Variants in RAB18 observed in about 807,000 individuals in gnomAD.
RAB18 encodes the protein ras-related protein Rab-18.
Under a neutral mutation model 28.5 loss-of-function variants are expected in RAB18, and 10 were observed. The ratio of observed to expected loss-of-function variants is 0.35; its 90% CI spans 0.22 to 0.60. The LOEUF is 0.60. Among genes scored for constraint, RAB18 ranks in the 20% least tolerant of loss-of-function variants. The pLI is 0.78. For missense variants in RAB18, 188 were observed against 244.2 expected (o/e 0.77, Z 1.53); for synonymous variants, 93 against 86.9 (o/e 1.07, Z -0.39).
At chr10:27,510,089 C>A (rs1265669009) in intron 2 of RAB18, 159 bp downstream of exon 2, 3 of 660,692 alleles carry the variant, frequency 4.5e-6, no homozygotes, top group Non-Finnish European at 8.1e-6. Context: ...ATCATTAAAT[C>A]TTTGAAGCCT....
chr10:27,526,952 G>T, intron 3 of RAB18, 63 bp downstream of exon 3: 2 of 1,510,114 alleles, frequency 1.3e-6, no homozygotes, highest in South Asian at 2.3e-5. Flanking sequence ...TGCAGAAATT[G>T]ATTTGTGTAG....
At chr10:27,505,040 A>G in intron 1 of RAB18, 1 of 533,512 alleles carries the variant, frequency 1.9e-6, no homozygotes, top group Non-Finnish European at 3.8e-6. Context: ...GTAAGGTCCG[A>G]GTGCTTCAGC....
chr10:27,522,962 G>T (rs969499527), intron 2 of RAB18, among the ~76,000 whole-genome samples: 4 of 151,588 alleles, frequency 2.6e-5, no homozygotes, highest in Admixed American at 2.6e-4. Flanking sequence ...AGCAACTTTT[G>T]GATTCATTGA....
chr10:27,528,246 A>T, intron 3 of RAB18: 1 of 452,544 alleles, frequency 2.2e-6, no homozygotes, highest in East Asian at 6.1e-5. Flanking sequence ...GTTCCTGCCT[A>T]ATAAAAAGGC....
Position 27,526,908 on chromosome 10 carries a change from T to C in RAB18, c.186+19T>C. The C allele has an allele frequency of 6.2e-7, 1 of 1,600,828 alleles. No individual in the cohort carries two copies. The highest frequency in any genetic ancestry group is 8.6e-7 in the Non-Finnish European group (1 of 1,168,544). On this transcript the variant is annotated intron_variant, in intron 3 of 6. Transcript: ENST00000356940. ...AATATGGGTAAGAGTTTTTAAAATG[T>C]ATTTTTAAAATATTAAACTTTACTT... is the stretch of plus-strand genomic sequence containing the variant.
intron 2 of RAB18, among the ~76,000 whole-genome samples, chr10:27,516,418 C>G (rs534017239): frequency 6.6e-6 from 1 of 151,874 alleles, no homozygotes; most frequent in Non-Finnish European, 1.5e-5. Context: ...ATTAGCCAGG[C>G]GTGGTGGCAG....
chr10:27,531,281 G>T (rs11015850), intron 3 of RAB18, among the ~76,000 whole-genome samples: 1 of 151,904 alleles, frequency 6.6e-6, no homozygotes, highest in Non-Finnish European at 1.5e-5. Flanking sequence ...ACATTGAAAC[G>T]TTACTTTCCT....
Position 27,538,217 on chromosome 10 carries a change from G to A in RAB18, c.*166G>A, listed in dbSNP as rs769630830. ...CCCACTCATCGACCCCGGGTAAAATGTTATGGTAAGCATGCACAGTTTGCA... is the reference window on the plus strand; with the variant it reads ...CCCACTCATCGACCCCGGGTAAAATATTATGGTAAGCATGCACAGTTTGCA... On this transcript the variant is annotated 3_prime_UTR_variant, in exon 7 of 7. Coordinates refer to ENST00000356940, the MANE Select transcript of RAB18 (RefSeq NM_021252.5). 26 of 909,594 alleles carry A rather than the reference G, an allele frequency of 2.9e-5. No individual in the cohort carries two copies. The African/African-American group carries it at 3.8e-4, about 13-fold the overall frequency. 56.3% of individuals were successfully genotyped at this position (909,594 alleles called of 1,614,324 possible). A position where few individuals can be genotyped will look rare whatever the true frequency, so the allele number is the denominator to read the frequency against.
chr10:27,539,603 A>G lies in RAB18; in HGVS notation c.*1552A>G. On this transcript the variant is annotated 3_prime_UTR_variant, in exon 7 of 7. Coordinates refer to ENST00000356940, the MANE Select transcript of RAB18 (RefSeq NM_021252.5). The stretch of plus-strand genomic sequence containing the variant: ...CATGTACTTGTGATTTGTTCATGTT[A>G]TATTAAAACTTGAGATTTGTGTATT... 1 of 447,044 alleles carries G rather than the reference A, an allele frequency of 2.2e-6. No individual in the cohort carries two copies. Among genetic ancestry groups the G allele is most frequent in the Non-Finnish European group, 4.4e-6 (1 of 224,990 alleles). 27.7% of individuals were successfully genotyped at this position (447,044 alleles called of 1,614,324 possible). A position where few individuals can be genotyped will look rare whatever the true frequency, so the allele number is the denominator to read the frequency against.
At chr10:27,535,636 G>A (rs1834878994) in intron 6 of RAB18, among the ~76,000 whole-genome samples, 1 of 152,144 alleles carries the variant, frequency 6.6e-6, no homozygotes, top group Non-Finnish European at 1.5e-5. Flanking sequence ...GGAAACAGAA[G>A]CAAGAGACTA....
chr10:27,537,673 A>G (rs1366743821), intron 6 of RAB18, among the ~76,000 whole-genome samples: 3 of 152,186 alleles, frequency 2.0e-5, no homozygotes, highest in East Asian at 3.8e-4. Flanking sequence ...AAAATTATAT[A>G]CTAGTATTCT....
intron 2 of RAB18, among the ~76,000 whole-genome samples, chr10:27,523,373 T>C (rs1270344293): frequency 6.6e-6 from 1 of 150,468 alleles, no homozygotes; most frequent in African/African-American, 2.4e-5. Context: ...TTCTCAGATA[T>C]ATTTTCCCCC....
chr10:27,504,391 AC>A lies in RAB18; in HGVS notation c.25del (p.Leu9Ter). 6.3e-7 allele frequency: 1 copy of A among 1,576,076 alleles called. No homozygotes were observed. The highest frequency in any genetic ancestry group is 8.6e-7 in the Non-Finnish European group (1 of 1,161,136). On this transcript the variant is annotated frameshift_variant, in exon 1 of 7. Coordinates refer to ENST00000356940, the MANE Select transcript of RAB18 (RefSeq NM_021252.5). LOFTEE classifies it high-confidence loss of function. MDEDVLT[T>X]LKILIIGESG... ...CAGGATGGACGAGGACGTGCTAACCACCCTGAAGATCCTCATCATCGGCGAG... is the reference window on the plus strand; with the variant it reads ...CAGGATGGACGAGGACGTGCTAACCACCTGAAGATCCTCATCATCGGCGAG...
At position 27,541,911 on chromosome 10, in the gene RAB18, C is replaced by CT. The variant is rs1443207218; in HGVS notation, c.*3864dup. 1 of 453,682 alleles carries CT rather than the reference C, an allele frequency of 2.2e-6. No individual in the cohort carries two copies. The highest frequency in any genetic ancestry group is 1.6e-5 in the South Asian group (1 of 64,428). 28.1% of individuals were successfully genotyped at this position (453,682 alleles called of 1,614,324 possible). ...CGGCTTTCTAGATTAACCCAGTTAC[C>CT]TTTTAGCAGTGCCCCACTTCCCCAG... On this transcript the variant is annotated 3_prime_UTR_variant, in exon 7 of 7. Coordinates refer to ENST00000356940, the MANE Select transcript of RAB18 (RefSeq NM_021252.5).
chr10:27,517,801 A>G (rs980016755), intron 2 of RAB18, among the ~76,000 whole-genome samples: 1 of 152,164 alleles, frequency 6.6e-6, no homozygotes, highest in Non-Finnish European at 1.5e-5. Flanking sequence ...CAGCATACCA[A>G]ATAGTTCCAT....
At chr10:27,506,557 A>G (rs1295194423) in intron 1 of RAB18, among the ~76,000 whole-genome samples, 1 of 152,066 alleles carries the variant, frequency 6.6e-6, no homozygotes, top group Non-Finnish European at 1.5e-5. Flanking sequence ...CCTGAGCTCA[A>G]CAGATCCTCC....
chr10:27,538,080 T>A lies in RAB18; in HGVS notation c.*29T>A. ...CTGGGAAATTCCATCTCTTGCATAT[T>A]TGATCAGATAGTGACATCTTTCTGT... is the stretch of plus-strand genomic sequence containing the variant. On this transcript the variant is annotated 3_prime_UTR_variant, in exon 7 of 7. Coordinates refer to ENST00000356940, the MANE Select transcript of RAB18 (RefSeq NM_021252.5). The A allele has an allele frequency of 6.2e-7, 1 of 1,613,534 alleles. No homozygotes were observed. Among genetic ancestry groups the A allele is most frequent in the Non-Finnish European group, 8.5e-7 (1 of 1,179,436 alleles).
At chr10:27,527,130 A>AT (rs1834690881) in intron 3 of RAB18, 1 of 599,258 alleles carries the variant, frequency 1.7e-6, no homozygotes, top group African/African-American at 1.8e-5. Context: ...ACAGAACAGA[A>AT]TATTAAAAAA....
At chr10:27,526,307 G>T (rs933956217) in intron 2 of RAB18, among the ~76,000 whole-genome samples, 2 of 152,034 alleles carry the variant, frequency 1.3e-5, no homozygotes, top group African/African-American at 4.8e-5. Context: ...ATTTTTTTAG[G>T]ATAAAAATAA....
Sources: allele counts gnomAD v4.1 joint callset (sites outside exome capture counted in the v4.1 genomes callset), GRCh38; gene constraint gnomAD v4.1.1; transcripts MANE v1.5; gene names NCBI Gene and HGNC (gene_info 2026-07-23, HGNC 2026-07-21).